HIF3A: variants seen among roughly 807,000 people sequenced by gnomAD.
The protein encoded by HIF3A is hypoxia-inducible factor 3-alpha.
A neutral mutation model predicts 67.2 loss-of-function variants in HIF3A; 41 were observed. The ratio of observed to expected loss-of-function variants is 0.61; its 90% CI spans 0.48 to 0.79. The LOEUF is 0.79. HIF3A is among the 30% of genes least tolerant of loss of function. The probability of loss-of-function intolerance (pLI) is 0.00; values close to 1 mark genes in which losing one functional copy is unlikely to be tolerated. For synonymous variants in HIF3A, 356 were observed against 374.8 expected (o/e 0.95, Z 0.58); for missense variants, 855 against 898.0 (o/e 0.95, Z 0.61).
chr19:46,312,014 C>A, intron 6 of HIF3A, 147 bp from the exon 7 acceptor site: 2 of 776,476 alleles, frequency 2.6e-6, no homozygotes, highest in Non-Finnish European at 2.4e-6. Context: ...TCCTCTTGTT[C>A]TGTTTCTTAC....
rs1476628601 is a variant in HIF3A at position 46,309,215 on chromosome 19, G to A, written c.626G>A (p.Ser209Asn). ...KPPAQTSPAG[S>N]PDSEPPLQCL... Reference sequence around the variant, plus strand: ...CCTGCGCAGACTTCTCCAGCTGGGAGCCCTGACTCAGAGCCCCCGCTGCAG... The same window carrying A: ...CCTGCGCAGACTTCTCCAGCTGGGAACCCTGACTCAGAGCCCCCGCTGCAG... The change falls in exon 6 of 15, where the codon AGC becomes AAC. Residue 209 changes from serine to asparagine, a missense_variant. By Grantham distance (46) the Ser-to-Asn change is conservative (BLOSUM62 1). This residue lies in a region of HIF3A where 638 missense variants were observed against 660.5 expected (regional missense o/e 0.97). Transcript: ENST00000377670. 6.8e-6 allele frequency: 11 copies of A among 1,613,988 alleles called. No homozygotes were observed. Among genetic ancestry groups the A allele is most frequent in the African/African-American group, 1.3e-5 (1 of 74,906 alleles).
intron 4 of HIF3A, 26 bp from the exon 5 acceptor site, chr19:46,308,637 T>G (rs1374284238): frequency 3.5e-6 from 5 of 1,439,034 alleles, no homozygotes; most frequent in Non-Finnish European, 4.8e-6. Context: ...GCCTGTGACC[T>G]CCCCGCTGCC....
At chr19:46,335,198 G>A (rs1971521030) in intron 14 of HIF3A, among the ~76,000 whole-genome samples, 1 of 152,038 alleles carries the variant, frequency 6.6e-6, no homozygotes, top group Non-Finnish European at 1.5e-5. Context: ...GCTGCCTTTT[G>A]GGGTGGAAGC....
At chr19:46,309,930 A>G (rs1454765906) in intron 6 of HIF3A, among the ~76,000 whole-genome samples, 1 of 151,998 alleles carries the variant, frequency 6.6e-6, no homozygotes, top group Non-Finnish European at 1.5e-5. Context: ...CTACAAAAAA[A>G]TTAGCCAAGT....
chr19:46,305,239 C>T lies in HIF3A; in HGVS notation c.218-6C>T, dbSNP rs1180500018. The T allele has an allele frequency of 4.3e-6, 7 of 1,613,864 alleles. No individual in the cohort carries two copies. The highest frequency in any genetic ancestry group is 5.9e-6 in the Non-Finnish European group (7 of 1,179,980). ...GATGCCCCCATCCCCCTGCCCCGGG[C>T]ACCAGGGGAGTGGAACCAGGTGGGA... On this transcript the variant is annotated splice_polypyrimidine_tract_variant and splice_region_variant and intron_variant, in intron 2 of 14. Transcript: ENST00000377670.
At position 46,341,633 on chromosome 19, in the gene HIF3A, C is replaced by CTTTTTTTTTTTTT. The variant is rs1568556736; in HGVS notation, c.*2011_*2012insTTTTTTTTTTTTT. 1.3e-5 allele frequency: 2 copies of CTTTTTTTTTTTTT among 149,888 alleles called. No individual in the cohort carries two copies. The highest frequency in any genetic ancestry group is 5.0e-5 in the African/African-American group (2 of 39,812). The allele number at this position is 149,888 out of a possible 1,614,324, so 9.3% of individuals were successfully genotyped here. On this transcript the variant is annotated 3_prime_UTR_variant, in exon 15 of 15. Coordinates refer to ENST00000377670, the MANE Select transcript of HIF3A (RefSeq NM_152795.4). ...TTGATGTGTTTATCTCTTTTTTCTT[C>CTTTTTTTTTTTTT]CTCTTCTTTTTTTTTTTTTTCTTTT...
At chr19:46,313,119 C>A in intron 8 of HIF3A, 2 of 568,870 alleles carry the variant, frequency 3.5e-6, no homozygotes, top group Non-Finnish European at 4.4e-6. Flanking sequence ...GGTGTGGTGA[C>A]ACATGCCTGT....
intron 14 of HIF3A, among the ~76,000 whole-genome samples, chr19:46,335,352 C>T (rs1971536641): frequency 6.6e-6 from 1 of 151,976 alleles, no homozygotes; most frequent in Non-Finnish European, 1.5e-5. Context: ...TCACTGCAAC[C>T]TCCGCCTCCC....
At chr19:46,322,956 C>A (rs1436320351) in intron 10 of HIF3A, among the ~76,000 whole-genome samples, 1 of 152,190 alleles carries the variant, frequency 6.6e-6, no homozygotes, top group Non-Finnish European at 1.5e-5. Context: ...CCCCTCCAAC[C>A]CAGTCCTCTT....
intron 11 of HIF3A, among the ~76,000 whole-genome samples, chr19:46,326,789 ATATCCCTGGTCCATAGCAG>A (rs1366670626): frequency 6.6e-6 from 1 of 152,162 alleles, no homozygotes; most frequent in African/African-American, 2.4e-5. Context: ...GGGCATGCAT[ATATCCCTGGTCCATAGCAG>A]TTTTGAAATC....
chr19:46,328,995 A>G (rs1455256423), intron 11 of HIF3A: 3 of 447,598 alleles, frequency 6.7e-6, no homozygotes. Flanking sequence ...AAGCTCTGGG[A>G]TTACAGGTGT....
intron 1 of HIF3A, chr19:46,303,635 C>A: frequency 6.3e-7 from 1 of 1,580,108 alleles, no homozygotes. Context: ...GCCCTAGGCG[C>A]GCCACAGAGA....
chr19:46,338,133 C>G, intron 14 of HIF3A: 2 of 451,018 alleles, frequency 4.4e-6, no homozygotes, highest in South Asian at 3.1e-5. Flanking sequence ...TTCATCCATC[C>G]TGGTCACTGC....
At chr19:46,317,682 C>G (rs1367240708) in intron 8 of HIF3A, among the ~76,000 whole-genome samples, 1 of 152,112 alleles carries the variant, frequency 6.6e-6, no homozygotes, top group Non-Finnish European at 1.5e-5. Flanking sequence ...CCCATTTTCT[C>G]TCCTGGTGTC....
rs1365816437 is a variant in HIF3A at position 46,341,425 on chromosome 19, C to T, written c.*1803C>T. On this transcript the variant is annotated 3_prime_UTR_variant, in exon 15 of 15. Transcript: ENST00000377670. ...ATGTTGGCCAGGCTGGTCTTGAACT[C>T]CCGACCTCAACTGATCCACCCGCCT... 6 of 152,012 alleles carry T rather than the reference C, an allele frequency of 3.9e-5. No homozygotes were observed. The highest frequency in any genetic ancestry group is 8.8e-5 in the Non-Finnish European group (6 of 67,990). 9.4% of individuals were successfully genotyped at this position (152,012 alleles called of 1,614,324 possible).
At chr19:46,320,059 G>A (rs148653068) in intron 8 of HIF3A, 2,074 of 167,292 alleles carry the variant, frequency 0.012, 49 homozygotes, top group African/African-American at 0.047. Flanking sequence ...GTGAAACCCC[G>A]TCTCTACTAA....
Position 46,297,322 on chromosome 19 carries a change from C to T in HIF3A, c.26+220C>T, listed in dbSNP as rs1025495977. The stretch of plus-strand genomic sequence containing the variant: ...GCTGCCCCGCCCCTCTGGCCAAGAG[C>T]GGCTTCGGGGTTCCCGATTTCTCGC... On this transcript the variant is annotated intron_variant, in intron 1 of 14. Coordinates refer to ENST00000377670, the MANE Select transcript of HIF3A (RefSeq NM_152795.4). The surrounding 1 kb of genome is among the most constrained non-coding windows in gnomAD (Gnocchi z 4.5). Among the ~76,000 whole-genome samples the T allele has an allele frequency of 1.3e-5, 2 of 152,128 alleles. No individual in the cohort carries two copies. The highest frequency in any genetic ancestry group is 2.9e-5 in the Non-Finnish European group (2 of 68,010).
In HIF3A at chr19:46,325,538, G is replaced by T; in HGVS notation, c.1339G>T (p.Asp447Tyr). The change falls in exon 11 of 15, where the codon GAT (aspartate) becomes TAT (tyrosine). Residue 447 changes from aspartate (D) to tyrosine (Y), a missense_variant. By Grantham distance (160) the Asp-to-Tyr change is radical. Around this residue, in one of 3 missense-constraint regions of HIF3A, gnomAD observed 638 missense variants for 660.5 expected, o/e 0.97. Coordinates refer to ENST00000377670, the MANE Select transcript of HIF3A (RefSeq NM_152795.4). ...TRHPQSPLSA[D>Y]LPDELPVGTE... is the part of the protein sequence containing the mutation. Reference sequence around the variant, plus strand: ...TTTCTACTCCATCTCTCCACAGGCTGATCTCCCAGATGAACTACCTGTGGG... The same window carrying T: ...TTTCTACTCCATCTCTCCACAGGCTTATCTCCCAGATGAACTACCTGTGGG... The T allele has an allele frequency of 6.2e-7, 1 of 1,611,164 alleles. No homozygotes were observed. Among genetic ancestry groups the T allele is most frequent in the East Asian group, 2.2e-5 (1 of 44,858 alleles).
At chr19:46,336,027 C>T (rs914408864) in intron 14 of HIF3A, among the ~76,000 whole-genome samples, 6 of 149,536 alleles carry the variant, frequency 4.0e-5, no homozygotes, top group African/African-American at 9.8e-5. Flanking sequence ...CGTGACAGGG[C>T]GAGATCCTGT....
Sources: gnomAD v4.1 joint callset for allele counts (sites outside exome capture counted in the v4.1 genomes callset) on GRCh38, gnomAD v4.1.1 for gene constraint, gnomAD v4.1.1 regional missense constraint, Gnocchi (gnomAD v3.1) non-coding constraint, MANE v1.5 for transcripts, NCBI Gene and HGNC (gene_info 2026-07-23, HGNC 2026-07-21) for gene names.